The following LTAP1 variants were observed in gnomAD, a reference collection of about 807,000 sequenced individuals.
The protein encoded by LTAP1 is lipid transport auxiliary protein 1, also known as HCV NS5A-transactivated protein 4.
chr1:154,210,396 G>A, the LTAP1 span, among the ~76,000 whole-genome samples: 1 of 152,150 alleles, frequency 6.6e-6, no homozygotes, highest in African/African-American at 2.4e-5. Context: ...AGAGAAGACA[G>A]GAGAGACATA....
chr1:154,218,443 T>C, the LTAP1 span, among the ~76,000 whole-genome samples: 1 of 152,214 alleles, frequency 6.6e-6, no homozygotes. Flanking sequence ...ACTAACCCTA[T>C]GTCTTTCTCA....
At chr1:154,220,396 G>A in the LTAP1 span, 1 of 1,614,226 alleles carries the variant, frequency 6.2e-7, no homozygotes, top group Non-Finnish European at 8.5e-7. Context: ...GCCAGTTACT[G>A]CCGGACGCCA....
At chr1:154,214,426 C>T in the LTAP1 span, 1 of 1,425,878 alleles carries the variant, frequency 7.0e-7, no homozygotes, top group African/African-American at 1.4e-5. Context: ...TGGGACTCCT[C>T]ACTGAAGCAT....
chr1:154,214,678 G>C, the LTAP1 span: 1 of 692,510 alleles, frequency 1.4e-6, no homozygotes, highest in South Asian at 1.9e-5. Flanking sequence ...AACAGAAATA[G>C]AGACCATGCT....
At chr1:154,214,456 CT>C in the LTAP1 span, 2 of 1,603,076 alleles carry the variant, frequency 1.2e-6, no homozygotes, top group Non-Finnish European at 1.7e-6. Context: ...TTGCCACATA[CT>C]TTGATTTCCC....
chr1:154,216,613 C>T, the LTAP1 span, among the ~76,000 whole-genome samples: 3 of 151,978 alleles, frequency 2.0e-5, no homozygotes, highest in African/African-American at 7.3e-5. Context: ...TCAAGCAATT[C>T]TCCTTGCCCT....
At chr1:154,211,015 A>T in the LTAP1 span, among the ~76,000 whole-genome samples, 19 of 148,994 alleles carry the variant, frequency 1.3e-4, no homozygotes, top group African/African-American at 3.9e-4. Context: ...TTTAATTTTT[A>T]TTTTTTTTTT....
the LTAP1 span, chr1:154,219,988 T>TTC: frequency 8.0e-7 from 1 of 1,249,856 alleles, no homozygotes; most frequent in East Asian, 2.7e-5. Context: ...TTTTGTTTTG[T>TTC]TTTTTTTTTA....
the LTAP1 span, chr1:154,213,816 T>C: frequency 8.3e-7 from 1 of 1,201,306 alleles, no homozygotes; most frequent in Non-Finnish European, 1.2e-6. Flanking sequence ...AATCCTAACA[T>C]ACAAAGTGGG....
At chr1:154,215,836 C>T in the LTAP1 span, among the ~76,000 whole-genome samples, 2 of 146,864 alleles carry the variant, frequency 1.4e-5, no homozygotes, top group Non-Finnish European at 3.0e-5. Flanking sequence ...TTACCACTAA[C>T]TTTCTTTTTT....
chr1:154,212,157 G>T, the LTAP1 span: 570 of 790,052 alleles, frequency 7.2e-4, 3 homozygotes, highest in East Asian at 0.014. Context: ...GTGCCCGGCC[G>T]CATCTGCTTT....
chr1:154,210,272 C>T, the LTAP1 span, among the ~76,000 whole-genome samples: 1 of 152,114 alleles, frequency 6.6e-6, no homozygotes, highest in African/African-American at 2.4e-5. Flanking sequence ...CTCCTGGCCT[C>T]AAGTGATCCG....
At chr1:154,212,747 C>T in the LTAP1 span, 2 of 1,044,838 alleles carry the variant, frequency 1.9e-6, no homozygotes, top group Non-Finnish European at 2.8e-6. Flanking sequence ...CTGCAACCTC[C>T]ACCTCCTAGG....
the LTAP1 span, among the ~76,000 whole-genome samples, chr1:154,213,000 C>G: frequency 0.31 from 46,877 of 151,882 alleles, 8,845 homozygotes; most frequent in Admixed American, 0.47. Flanking sequence ...AGTTAATTCC[C>G]CAAACTTAGA....
chr1:154,213,483 A>G, the LTAP1 span, among the ~76,000 whole-genome samples: 1 of 152,336 alleles, frequency 6.6e-6, no homozygotes, highest in Admixed American at 6.5e-5. Flanking sequence ...CTGCTTACTC[A>G]TCCATCCTAG....
At chr1:154,208,610 T>A in the LTAP1 span, 1 of 152,132 alleles carries the variant, frequency 6.6e-6, no homozygotes, top group Non-Finnish European at 1.5e-5. Context: ...ATTAGGAAAC[T>A]AAGGGTCCAA....
chr1:154,210,062 G>A, the LTAP1 span, among the ~76,000 whole-genome samples: 5 of 151,380 alleles, frequency 3.3e-5, no homozygotes, highest in African/African-American at 9.7e-5. Flanking sequence ...TCATCTTTTC[G>A]AGACAGACTC....
At chr1:154,216,671 T>C in the LTAP1 span, among the ~76,000 whole-genome samples, 2 of 151,316 alleles carry the variant, frequency 1.3e-5, no homozygotes, top group Middle Eastern at 3.4e-3. Context: ...CATGCCACCA[T>C]GCCCAGCTAA....
the LTAP1 span, chr1:154,207,346 C>T: frequency 1.0e-6 from 1 of 1,002,464 alleles, no homozygotes; most frequent in Non-Finnish European, 1.5e-6. Flanking sequence ...TGGATGGATA[C>T]AGTCTGGGCC....
Sources: allele counts gnomAD v4.1 joint callset (sites outside exome capture counted in the v4.1 genomes callset), GRCh38; gene constraint gnomAD v4.1.1; transcripts MANE v1.5; gene names NCBI Gene and HGNC (gene_info 2026-07-23, HGNC 2026-07-21).